Variants in ANTXR2 observed in about 807,000 individuals in gnomAD.
The protein encoded by ANTXR2 is ANTXR cell adhesion molecule 2, also known as anthrax toxin receptor 2.
In ANTXR2, 44 loss-of-function variants were observed where a neutral mutation model predicts 73.7. The observed-to-expected ratio is 0.60, with a 90% CI of 0.47 to 0.77. ANTXR2 has a LOEUF of 0.77. ANTXR2 is among the 30% of genes least tolerant of loss of function. The probability of loss-of-function intolerance (pLI) is 0.00; values close to 1 mark genes in which losing one functional copy is unlikely to be tolerated. For synonymous variants in ANTXR2, 217 were observed against 205.9 expected (o/e 1.05, Z -0.46); for missense variants, 604 against 592.5 (o/e 1.02, Z -0.20).
chr4:79,916,744 A>T (rs571550397), intron 16 of ANTXR2, among the ~76,000 whole-genome samples: 17 of 152,254 alleles, frequency 1.1e-4, no homozygotes, highest in Admixed American at 6.5e-5. Context: ...AATGAGGAAA[A>T]TTTCTATACA....
intron 7 of ANTXR2, among the ~76,000 whole-genome samples, chr4:80,050,986 C>A (rs1733747091): frequency 6.6e-6 from 1 of 151,640 alleles, no homozygotes; most frequent in African/African-American, 2.4e-5. Flanking sequence ...ATCCCCCATA[C>A]CTCCCATGAT....
intron 16 of ANTXR2, among the ~76,000 whole-genome samples, chr4:79,952,436 C>A (rs1468746787): frequency 6.6e-6 from 1 of 151,508 alleles, no homozygotes; most frequent in Non-Finnish European, 1.5e-5. Flanking sequence ...TTCTCGAGAA[C>A]CTGTTGATAA....
At chr4:80,028,130 G>C (rs944612717) in intron 10 of ANTXR2, among the ~76,000 whole-genome samples, 2 of 152,000 alleles carry the variant, frequency 1.3e-5, no homozygotes, top group Non-Finnish European at 2.9e-5. Context: ...AATAATAAGA[G>C]TTTGTTCATC....
intron 7 of ANTXR2, among the ~76,000 whole-genome samples, chr4:80,039,730 C>CA (rs1733145514): frequency 6.6e-6 from 1 of 151,986 alleles, no homozygotes; most frequent in Admixed American, 6.6e-5. Flanking sequence ...GGAGATTTCT[C>CA]AAAGAACTTA....
At chr4:80,002,169 G>C (rs769804617) in intron 12 of ANTXR2, among the ~76,000 whole-genome samples, 2 of 151,938 alleles carry the variant, frequency 1.3e-5, no homozygotes, top group African/African-American at 4.8e-5. Flanking sequence ...ATACTACAAG[G>C]GTACAGTAAC....
chr4:79,923,760 C>A (rs1322438515), intron 16 of ANTXR2, among the ~76,000 whole-genome samples: 1 of 152,022 alleles, frequency 6.6e-6, no homozygotes, highest in Non-Finnish European at 1.5e-5. Flanking sequence ...ATTTATTTTC[C>A]TTTATGCCTC....
At chr4:80,003,719 A>G (rs1459466668) in intron 12 of ANTXR2, among the ~76,000 whole-genome samples, 1 of 152,110 alleles carries the variant, frequency 6.6e-6, no homozygotes, top group Non-Finnish European at 1.5e-5. Flanking sequence ...AGATATCATT[A>G]CATACCTATT....
At chr4:79,910,530 AAG>A (rs1727090750) in intron 16 of ANTXR2, among the ~76,000 whole-genome samples, 1 of 111,924 alleles carries the variant, frequency 8.9e-6, no homozygotes, top group African/African-American at 4.7e-5. Flanking sequence ...AAAGAAAAAA[AAG>A]AAAAAAAAAA....
In ANTXR2 at chr4:79,977,993, A is replaced by G; in HGVS notation, c.1347+14T>C. 1.9e-6 allele frequency: 3 copies of G among 1,567,970 alleles called. No individual in the cohort carries two copies. The highest frequency in any genetic ancestry group is 1.4e-5 in the African/African-American group (1 of 72,450). On this transcript the variant is annotated intron_variant, in intron 15 of 16. Transcript: ENST00000403729. The stretch of plus-strand genomic sequence containing the variant: ...GAAGTTTTGAGTTAAATTACACAAA[A>G]TCTGGACACATACCTTAATTGGGGT...
intron 14 of ANTXR2, among the ~76,000 whole-genome samples, chr4:79,980,073 T>C (rs905942742): frequency 5.3e-5 from 8 of 152,168 alleles, no homozygotes; most frequent in African/African-American, 1.4e-4. Flanking sequence ...TAAAAAAATA[T>C]ATATATGAAG....
chr4:80,015,934 AAAGG>A (rs1731839109), intron 11 of ANTXR2, among the ~76,000 whole-genome samples: 1 of 54,268 alleles, frequency 1.8e-5, no homozygotes, highest in African/African-American at 8.8e-5. Flanking sequence ...AAAGGAAAGG[AAAGG>A]AAAGGAAAGG....
At chr4:80,059,888 T>C (rs1207762532) in intron 3 of ANTXR2, among the ~76,000 whole-genome samples, 2 of 152,100 alleles carry the variant, frequency 1.3e-5, no homozygotes, top group Non-Finnish European at 2.9e-5. Context: ...AAAATAAAGA[T>C]AGACTGAAAT....
chr4:80,071,866 G>A (rs1242029685), intron 1 of ANTXR2, among the ~76,000 whole-genome samples: 1 of 151,972 alleles, frequency 6.6e-6, no homozygotes, highest in East Asian at 1.9e-4. Flanking sequence ...AAAAGAAGAA[G>A]AAGAAGTCAG....
chr4:79,922,151 A>ATTC (rs1187879006), intron 16 of ANTXR2, among the ~76,000 whole-genome samples: 4 of 152,070 alleles, frequency 2.6e-5, no homozygotes, highest in African/African-American at 7.2e-5. Flanking sequence ...CAAACTTGAA[A>ATTC]TTCTATAGGC....
intron 16 of ANTXR2, among the ~76,000 whole-genome samples, chr4:79,935,249 T>C (rs1728216204): frequency 6.6e-6 from 1 of 151,738 alleles, no homozygotes; most frequent in East Asian, 1.9e-4. Context: ...GCACTACCAT[T>C]GACCAATTAG....
chr4:79,957,100 C>T (rs998368987), intron 16 of ANTXR2, among the ~76,000 whole-genome samples: 1 of 152,060 alleles, frequency 6.6e-6, no homozygotes, highest in African/African-American at 2.4e-5. Flanking sequence ...TAATGAAAGA[C>T]TATCTACAAA....
At chr4:79,920,517 G>A (rs1014314997) in intron 16 of ANTXR2, among the ~76,000 whole-genome samples, 3 of 152,080 alleles carry the variant, frequency 2.0e-5, no homozygotes, top group African/African-American at 4.8e-5. Context: ...CAGTATATAC[G>A]TGTGTTGGGG....
intron 16 of ANTXR2, among the ~76,000 whole-genome samples, chr4:79,957,421 CA>C (rs1368448355): frequency 1.3e-5 from 2 of 151,938 alleles, no homozygotes; most frequent in Admixed American, 6.6e-5. Flanking sequence ...AGGAAGAAAA[CA>C]TTGCTGCAAA....
intron 7 of ANTXR2, among the ~76,000 whole-genome samples, chr4:80,053,401 C>T (rs1321415404): frequency 1.3e-5 from 2 of 151,570 alleles, no homozygotes; most frequent in Non-Finnish European, 3.0e-5. Context: ...TAAAAGCCTA[C>T]GTGCTACTAA....
Sources: allele counts gnomAD v4.1 joint callset (sites outside exome capture counted in the v4.1 genomes callset), GRCh38; gene constraint gnomAD v4.1.1; transcripts MANE v1.5; gene names NCBI Gene and HGNC (gene_info 2026-07-23, HGNC 2026-07-21).